The following AGBL4 variants were observed in gnomAD, a reference collection of about 807,000 sequenced individuals.
The protein encoded by AGBL4 is cytosolic carboxypeptidase 6.
AGBL4 carries 58 observed loss-of-function variants against 66.4 expected under a neutral mutation model. The ratio of observed to expected loss-of-function variants is 0.87; its 90% CI spans 0.71 to 1.09. The LOEUF (loss-of-function observed/expected upper bound fraction) is 1.09. AGBL4 is among the 50% of genes least tolerant of loss of function. The pLI is 0.00. For synonymous variants in AGBL4, 234 were observed against 222.9 expected (o/e 1.05, Z -0.44); for missense variants, 579 against 631.0 (o/e 0.92, Z 0.88).
intron 4 of AGBL4, among the ~76,000 whole-genome samples, chr1:49,133,605 T>G (rs1037801916): frequency 6.6e-5 from 10 of 152,106 alleles, no homozygotes; most frequent in Admixed American, 1.3e-4. Flanking sequence ...TCAAGGGTGT[T>G]GAGAAACAAA....
intron 3 of AGBL4, among the ~76,000 whole-genome samples, chr1:49,658,659 C>T (rs1290391445): frequency 3.9e-5 from 6 of 152,212 alleles, no homozygotes; most frequent in South Asian, 2.1e-4. Context: ...ACATATACAC[C>T]ATGGAATACT....
chr1:49,207,352 T>C (rs1001563030), intron 4 of AGBL4, among the ~76,000 whole-genome samples: 3 of 152,174 alleles, frequency 2.0e-5, no homozygotes, highest in Admixed American at 1.3e-4. Flanking sequence ...GGTGCTCCAT[T>C]GAGTTGATGC....
chr1:48,565,408 G>A (rs2148305298), intron 11 of AGBL4, among the ~76,000 whole-genome samples: 1 of 152,330 alleles, frequency 6.6e-6, no homozygotes, highest in South Asian at 2.1e-4. Flanking sequence ...TCTTCCAGCT[G>A]ACATTCTGTG....
At chr1:48,759,099 C>T (rs142533057) in intron 6 of AGBL4, 3 of 1,611,756 alleles carry the variant, frequency 1.9e-6, no homozygotes, top group Non-Finnish European at 2.5e-6. Flanking sequence ...GCTCCTCATA[C>T]AGAGCCCGGG....
chr1:49,015,688 T>A (rs1044145858), intron 5 of AGBL4, among the ~76,000 whole-genome samples: 1 of 151,902 alleles, frequency 6.6e-6, no homozygotes, highest in Admixed American at 6.6e-5. Flanking sequence ...CCTCCTAAAG[T>A]GCTGGGATTA....
At chr1:48,757,510 T>C (rs1471901191) in intron 6 of AGBL4, among the ~76,000 whole-genome samples, 1 of 152,158 alleles carries the variant, frequency 6.6e-6, no homozygotes, top group Non-Finnish European at 1.5e-5. Flanking sequence ...AGCCTATGAA[T>C]TGAGTGACTA....
intron 4 of AGBL4, among the ~76,000 whole-genome samples, chr1:49,245,257 TAC>T (rs139244286): frequency 0.09 from 12,575 of 138,968 alleles, 541 homozygotes; most frequent in African/African-American, 0.11. Flanking sequence ...AACTTTAAAA[TAC>T]ACACACACAC....
intron 9 of AGBL4, among the ~76,000 whole-genome samples, chr1:48,624,918 G>C (rs897954702): frequency 2.7e-5 from 4 of 148,826 alleles, no homozygotes; most frequent in African/African-American, 1.0e-4. Flanking sequence ...GTGTGTGTGT[G>C]TGTGCACGTG....
chr1:49,741,749 C>T (rs371214183), intron 2 of AGBL4, among the ~76,000 whole-genome samples: 12 of 152,212 alleles, frequency 7.9e-5, no homozygotes, highest in Non-Finnish European at 1.3e-4. Flanking sequence ...ATTCAACATA[C>T]GAAAATCAAT....
chr1:49,641,207 A>C (rs1645775104), intron 3 of AGBL4, among the ~76,000 whole-genome samples: 1 of 152,154 alleles, frequency 6.6e-6, no homozygotes, highest in Non-Finnish European at 1.5e-5. Flanking sequence ...AAGGAGAACC[A>C]AAGTGGGACT....
At chr1:49,228,472 A>T (rs1650071833) in intron 4 of AGBL4, among the ~76,000 whole-genome samples, 1 of 152,202 alleles carries the variant, frequency 6.6e-6, no homozygotes, top group Non-Finnish European at 1.5e-5. Flanking sequence ...GGTAGATGCC[A>T]TTGAGGATAA....
At chr1:49,845,719 C>G in intron 2 of AGBL4, 2 of 1,594,608 alleles carry the variant, frequency 1.3e-6, no homozygotes, top group Non-Finnish European at 1.7e-6. Flanking sequence ...GACTGAGCAT[C>G]AGAGGATTTA....
At chr1:48,814,608 ACTTT>A (rs1158224544) in intron 6 of AGBL4, among the ~76,000 whole-genome samples, 2 of 105,446 alleles carry the variant, frequency 1.9e-5, no homozygotes, top group Non-Finnish European at 3.8e-5. Context: ...TATGAGATCA[ACTTT>A]TTTTTTTTTT....
intron 5 of AGBL4, among the ~76,000 whole-genome samples, chr1:49,026,745 G>T (rs1571261646): frequency 6.6e-6 from 1 of 152,058 alleles, no homozygotes; most frequent in African/African-American, 2.4e-5. Context: ...ATTTTTGTTT[G>T]TTCTTGCATT....
At chr1:49,975,720 T>C (rs991956184) in intron 1 of AGBL4, among the ~76,000 whole-genome samples, 2 of 152,270 alleles carry the variant, frequency 1.3e-5, no homozygotes, top group African/African-American at 4.8e-5. Flanking sequence ...CCTCTAAACC[T>C]GTAAAACAAA....
chr1:48,636,395 TC>T (rs1645668613), intron 8 of AGBL4, among the ~76,000 whole-genome samples: 1 of 152,258 alleles, frequency 6.6e-6, no homozygotes, highest in Non-Finnish European at 1.5e-5. Flanking sequence ...CATTTCATTT[TC>T]GCTTTTATGC....
intron 4 of AGBL4, among the ~76,000 whole-genome samples, chr1:49,163,542 G>T (rs1030277639): frequency 2.0e-5 from 3 of 152,104 alleles, no homozygotes; most frequent in Non-Finnish European, 2.9e-5. Flanking sequence ...TCTTTTGCTG[G>T]ACTATGAGCC....
rs376365719 is a variant in AGBL4 at position 49,166,602 on chromosome 1, T to C, written c.377+79168A>G. Among the ~76,000 whole-genome samples the C allele has an allele frequency of 2.0e-5, 3 of 152,138 alleles. No homozygotes were observed. The East Asian group carries it at 5.8e-4, about 29-fold the overall frequency. On this transcript the variant is annotated intron_variant, in intron 4 of 13. Coordinates refer to ENST00000371839, the MANE Select transcript of AGBL4 (RefSeq NM_032785.4). ...TGAATAAAGTATACATCCAGAACAA[T>C]TTAAGCTCCCAAAGTATTAAAGTCC...
Position 49,380,101 on chromosome 1 carries a change from C to A in AGBL4, c.283-134237G>T, listed in dbSNP as rs981894604. Among the ~76,000 whole-genome samples, 11 of 152,176 alleles carry A rather than the reference C, an allele frequency of 7.2e-5. No individual in the cohort carries two copies. In the South Asian group the frequency reaches 2.1e-3, roughly 29 times the overall value. ...CGACATGATTGTATATCTAGAAAAC[C>A]CCATTGGCTCAGCCCAAAATCTCCT... On this transcript the variant is annotated intron_variant, in intron 3 of 13. Transcript: ENST00000371839.
Sources: allele counts gnomAD v4.1 joint callset (sites outside exome capture counted in the v4.1 genomes callset), GRCh38; gene constraint gnomAD v4.1.1; transcripts MANE v1.5; gene names NCBI Gene and HGNC (gene_info 2026-07-23, HGNC 2026-07-21).